SLC25A21: variants seen among roughly 807,000 people sequenced by gnomAD.
SLC25A21 encodes the protein solute carrier family 25 member 21.
In SLC25A21, 47 loss-of-function variants were observed where a neutral mutation model predicts 43.8. The observed-to-expected ratio is 1.07, with a 90% confidence interval of 0.85 to 1.37. The LOEUF (loss-of-function observed/expected upper bound fraction) is 1.37, where lower values mean the gene tolerates loss of function less well. SLC25A21 is among the 40% of genes most tolerant of loss of function. SLC25A21 has a pLI of 0.00. For synonymous variants in SLC25A21, 131 were observed against 121.3 expected (o/e 1.08, Z -0.52); for missense variants, 352 against 350.2 (o/e 1.00, Z -0.04).
intron 3 of SLC25A21, among the ~76,000 whole-genome samples, chr14:36,753,540 T>C (rs965143253): frequency 7.2e-6 from 1 of 138,490 alleles, no homozygotes; most frequent in Non-Finnish European, 1.7e-5. Flanking sequence ...AGAGAAGCCA[T>C]GATTTCAAAG....
chr14:36,962,546 T>A (rs951012775), intron 1 of SLC25A21, among the ~76,000 whole-genome samples: 1 of 152,182 alleles, frequency 6.6e-6, no homozygotes, highest in Non-Finnish European at 1.5e-5. Flanking sequence ...CTCTCTTTTT[T>A]ATTTTTCCAA....
chr14:36,775,862 C>T (rs552846769), intron 3 of SLC25A21, among the ~76,000 whole-genome samples: 1 of 152,306 alleles, frequency 6.6e-6, no homozygotes, highest in East Asian at 1.9e-4. Flanking sequence ...TGGCCTAATA[C>T]TTCCTTGACT....
chr14:36,883,915 C>T (rs186025518), intron 1 of SLC25A21, among the ~76,000 whole-genome samples: 26 of 152,128 alleles, frequency 1.7e-4, no homozygotes, highest in East Asian at 1.4e-3. Context: ...TACACGTATA[C>T]ATTGTGGAAT....
At chr14:36,772,411 CAT>C (rs1566597635) in intron 3 of SLC25A21, among the ~76,000 whole-genome samples, 1 of 152,166 alleles carries the variant, frequency 6.6e-6, no homozygotes, top group Non-Finnish European at 1.5e-5. Context: ...TCTTTTGAAA[CAT>C]ATGCATTTCC....
intron 1 of SLC25A21, among the ~76,000 whole-genome samples, chr14:37,053,836 G>A (rs1263554828): frequency 6.6e-6 from 1 of 152,082 alleles, no homozygotes; most frequent in Non-Finnish European, 1.5e-5. Flanking sequence ...CCAAAGATAA[G>A]ACAATTTGAG....
chr14:37,004,705 G>A (rs541565297), intron 1 of SLC25A21, among the ~76,000 whole-genome samples: 7 of 152,250 alleles, frequency 4.6e-5, no homozygotes, highest in East Asian at 1.9e-4. Flanking sequence ...CAGGTTCAGC[G>A]TCTCTGGGAG....
chr14:36,999,372 G>A (rs1960438235), intron 1 of SLC25A21, among the ~76,000 whole-genome samples: 3 of 152,160 alleles, frequency 2.0e-5, no homozygotes, highest in Non-Finnish European at 4.4e-5. Flanking sequence ...GCCAGAAACT[G>A]GAGGTTGGGG....
chr14:37,128,546 G>A (rs866755772), intron 1 of SLC25A21, among the ~76,000 whole-genome samples: 1 of 146,202 alleles, frequency 6.8e-6, no homozygotes, highest in Non-Finnish European at 1.5e-5. Context: ...CTCTGTGTGT[G>A]TGTGTGTGTG....
intron 2 of SLC25A21, among the ~76,000 whole-genome samples, chr14:36,817,215 G>GAA (rs11417899): frequency 0.016 from 2,430 of 151,044 alleles, 69 homozygotes; most frequent in African/African-American, 0.056. Context: ...AAAGAAATAT[G>GAA]AAAAAAAAAC....
intron 2 of SLC25A21, among the ~76,000 whole-genome samples, chr14:36,855,398 T>C (rs1046890443): frequency 2.6e-5 from 4 of 152,060 alleles, no homozygotes; most frequent in Non-Finnish European, 4.4e-5. Context: ...GCAATGACAC[T>C]GGATATTGGG....
intron 1 of SLC25A21, among the ~76,000 whole-genome samples, chr14:37,020,295 A>G (rs1015375906): frequency 2.0e-5 from 3 of 151,976 alleles, no homozygotes; most frequent in Admixed American, 6.6e-5. Flanking sequence ...TAAAAAAACA[A>G]ACAAACTATA....
chr14:36,796,761 C>CT (rs2138412195), intron 3 of SLC25A21, among the ~76,000 whole-genome samples: 1 of 152,286 alleles, frequency 6.6e-6, no homozygotes, highest in South Asian at 2.1e-4. Context: ...CATGTGGACA[C>CT]TTAGTTCCAG....
At chr14:37,108,073 T>G (rs562844704) in intron 1 of SLC25A21, among the ~76,000 whole-genome samples, 9 of 152,166 alleles carry the variant, frequency 5.9e-5, no homozygotes, top group Non-Finnish European at 1.0e-4. Flanking sequence ...CGTCCATAAT[T>G]CTCCCACCTG....
In SLC25A21 at chr14:36,680,060, G is replaced by T; in HGVS notation, c.*598C>A. ...ATGTAGGAAAATAGAGCTGATATGT[G>T]CATAGTTACTAAAAAAAACCAACAG... On this transcript the variant is annotated 3_prime_UTR_variant, in exon 10 of 10. Coordinates refer to ENST00000331299, the MANE Select transcript of SLC25A21 (RefSeq NM_030631.4). The T allele has an allele frequency of 1.2e-6, 1 of 861,656 alleles. No homozygotes were observed. Among genetic ancestry groups the T allele is most frequent in the Non-Finnish European group, 1.4e-6 (1 of 718,308 alleles). The allele number at this position is 861,656 out of a possible 1,614,324, so 53.4% of individuals were successfully genotyped here.
intron 1 of SLC25A21, among the ~76,000 whole-genome samples, chr14:36,964,711 G>A (rs1476865191): frequency 2.6e-5 from 4 of 152,100 alleles, no homozygotes; most frequent in Non-Finnish European, 5.9e-5. Context: ...TAGAATCAGG[G>A]CCTGCAGTAT....
chr14:37,029,196 G>A (rs1365634086), intron 1 of SLC25A21, among the ~76,000 whole-genome samples: 1 of 152,140 alleles, frequency 6.6e-6, no homozygotes, highest in Non-Finnish European at 1.5e-5. Context: ...GGAACTCAAT[G>A]ACAAGCAATA....
intron 3 of SLC25A21, chr14:36,808,970 C>T (rs1888138443): frequency 6.6e-6 from 1 of 152,124 alleles, no homozygotes. Flanking sequence ...CCTCACCCAC[C>T]TGTGAACATT....
intron 1 of SLC25A21, among the ~76,000 whole-genome samples, chr14:37,120,716 T>C (rs532655548): frequency 6.6e-6 from 1 of 152,018 alleles, no homozygotes; most frequent in East Asian, 1.9e-4. Flanking sequence ...GGTGGTGAAA[T>C]AAAAACATCC....
chr14:36,998,454 G>A (rs1960419278), intron 1 of SLC25A21, among the ~76,000 whole-genome samples: 1 of 152,102 alleles, frequency 6.6e-6, no homozygotes, highest in Non-Finnish European at 1.5e-5. Context: ...GATGAATCTG[G>A]AATAAATAAT....
Sources: allele counts gnomAD v4.1 joint callset (sites outside exome capture counted in the v4.1 genomes callset), GRCh38; gene constraint gnomAD v4.1.1; transcripts MANE v1.5; gene names NCBI Gene and HGNC (gene_info 2026-07-23, HGNC 2026-07-21).